Variants in ZNF646 observed in about 807,000 individuals in gnomAD.
ZNF646 encodes zinc finger protein 646.
A neutral mutation model predicts 115.4 loss-of-function variants in ZNF646; 49 were observed. The observed-to-expected ratio is 0.42, with a 90% CI of 0.34 to 0.54. The LOEUF is 0.54. Ranked by LOEUF, ZNF646 falls within the 20% of genes least tolerant of loss-of-function variation. The probability of loss-of-function intolerance (pLI) is 0.04; values close to 1 mark genes in which losing one functional copy is unlikely to be tolerated. For synonymous variants in ZNF646, 933 were observed against 939.0 expected, an observed-to-expected ratio of 0.99 and a Z score of 0.12; for missense variants, 2,269 against 2,457.9, an observed-to-expected ratio of 0.92 and a Z score of 1.62.
chr16:31,074,675 A>T (rs1567404339), intron 1 of ZNF646, 44 bp downstream of exon 1: 1 of 152,350 alleles, frequency 6.6e-6, no homozygotes, highest in East Asian at 1.9e-4. Context: ...CGCGGTCCCC[A>T]ACTGACGCGC....
Position 31,077,251 on chromosome 16 carries a change from G to C in ZNF646, c.927G>C (p.Leu309=). 1 of 1,614,120 alleles carries C rather than the reference G, an allele frequency of 6.2e-7. No homozygotes were observed. Among genetic ancestry groups the C allele is most frequent in the Non-Finnish European group, 8.5e-7 (1 of 1,180,026 alleles). ...CPRVFRLPRE[L]LEHQQSHEGE... ...GTGTCTTCCGGCTCCCCCGGGAGCT[G>C]CTGGAACACCAGCAGTCCCATGAGG... Residue 309 remains leucine, a synonymous_variant, in exon 2 of 3, where the codon CTG becomes CTC. Transcript: ENST00000300850.
chr16:31,076,974 C>T lies in ZNF646; in HGVS notation c.650C>T (p.Ser217Leu). Residue 217 changes from serine (S) to leucine (L), a missense_variant, in exon 2 of 3, where the codon TCA becomes TTA. Transcript: ENST00000300850. ...LSNLEQYLAE[S>L]VVNFTGGQEP... The stretch of plus-strand genomic sequence containing the variant: ...AACTTGGAACAGTATCTGGCTGAAT[C>T]AGTAGTGAACTTCACAGGGGGCCAG... 6.2e-7 allele frequency: 1 copy of T among 1,614,112 alleles called. No homozygotes were observed. The highest frequency in any genetic ancestry group is 8.5e-7 in the Non-Finnish European group (1 of 1,179,972).
upstream of ZNF646, chr16:31,073,175 G>A (rs1220733666): frequency 6.6e-6 from 1 of 152,392 alleles, no homozygotes; most frequent in Non-Finnish European, 1.5e-5. Context: ...CGTGGCTTCG[G>A]AGGACGTGGC....
At chr16:31,072,709 C>G (rs2057024531), upstream of ZNF646, 1 of 152,296 alleles carries the variant, frequency 6.6e-6, no homozygotes, top group Admixed American at 6.5e-5. Flanking sequence ...GGCCTCCTAC[C>G]GGGCCAGTTC....
In ZNF646 at chr16:31,077,812, C is replaced by G. The variant is rs761879712; in HGVS notation, c.1488C>G (p.Leu496=). 1.2e-6 allele frequency: 2 copies of G among 1,613,950 alleles called. No homozygotes were observed. Among genetic ancestry groups the G allele is most frequent in the South Asian group, 2.2e-5 (2 of 91,086 alleles). ...SHRTGEYQCS[L]CPRKYPNLMA... ...GGACTGGAGAGTACCAGTGCTCACT[C>G]TGTCCCCGCAAGTACCCCAATCTCA... Residue 496 remains leucine (L), a synonymous_variant, in exon 2 of 3, where the codon CTC becomes CTG. Transcript: ENST00000300850.
chr16:31,081,032 G>T lies in ZNF646; in HGVS notation c.4708G>T (p.Val1570Leu). Residue 1570 changes from valine to leucine, a missense_variant, in exon 2 of 3, where the codon GTG becomes TTG. Around this residue, in one of 5 missense-constraint regions of ZNF646, gnomAD observed 1,062 missense variants for 1,172.8 expected, o/e 0.91. Transcript: ENST00000300850. ...LLCSKEFLNP[V>L]ATKSHSHNHI... ...CTGCTCCAAGGAGTTCTTAAATCCT[G>T]TGGCCACAAAGAGCCACAGCCACAA... The T allele has an allele frequency of 2.5e-6, 4 of 1,613,940 alleles. No homozygotes were observed. The highest frequency in any genetic ancestry group is 1.3e-5 in the African/African-American group (1 of 75,040).
rs758265518 is a variant in ZNF646 at position 31,076,764 on chromosome 16, C to A, written c.440C>A (p.Thr147Lys). Residue 147 changes from threonine (T) to lysine (K), a missense_variant, in exon 2 of 3, where the codon ACA becomes AAA. Around this residue, in one of 5 missense-constraint regions of ZNF646, gnomAD observed 334 missense variants for 323.5 expected, o/e 1.03. Coordinates refer to ENST00000300850, the MANE Select transcript of ZNF646 (RefSeq NM_014699.4). ...AACCAGACAAAACATACAGAAGAGA[C>A]ACCTGACTGTGAATCTGTACCTGAC... ...WENQTKHTEE[T>K]PDCESVPDPR... The A allele has an allele frequency of 1.9e-6, 3 of 1,613,772 alleles. No individual in the cohort carries two copies. The highest frequency in any genetic ancestry group is 1.1e-5 in the South Asian group (1 of 91,088).
rs1450010949 is a variant in ZNF646, at chr16:31,077,855, G to T, written c.1531G>T (p.Val511Leu). The T allele has an allele frequency of 6.2e-7, 1 of 1,613,630 alleles. No homozygotes were observed. Among genetic ancestry groups the T allele is most frequent in the Non-Finnish European group, 8.5e-7 (1 of 1,180,028 alleles). The change falls in exon 2 of 3, where the codon GTG becomes TTG. Residue 511 changes from valine to leucine, a missense_variant. Physicochemically the swap from Val to Leu is conservative, Grantham distance 32. Coordinates refer to ENST00000300850, the MANE Select transcript of ZNF646 (RefSeq NM_014699.4). Reference sequence around the variant, plus strand: ...CAATCTCATGGCCCTGCGCAACCACGTGCGGGTACATTGCAAGGCTGCTCG... The same window carrying T: ...CAATCTCATGGCCCTGCGCAACCACTTGCGGGTACATTGCAAGGCTGCTCG... ...YPNLMALRNHVRVHCKAARRS... is the reference protein window; with the variant it reads ...YPNLMALRNHLRVHCKAARRS...
Position 31,076,958 on chromosome 16 carries a change from C to A in ZNF646, c.634C>A (p.Gln212Lys), listed in dbSNP as rs148615283. The A allele has an allele frequency of 8.7e-6, 14 of 1,614,004 alleles. No individual in the cohort carries two copies. Among genetic ancestry groups the A allele is most frequent in the African/African-American group, 2.7e-5 (2 of 74,930 alleles). Reference sequence around the variant, plus strand: ...CAGCAGCCTTCTTAGCAACTTGGAACAGTATCTGGCTGAATCAGTAGTGAA... The same window carrying A: ...CAGCAGCCTTCTTAGCAACTTGGAAAAGTATCTGGCTGAATCAGTAGTGAA... Reference protein sequence around the residue: ...PASSLLSNLEQYLAESVVNFT... With the variant: ...PASSLLSNLEKYLAESVVNFT... Residue 212 changes from glutamine to lysine, a missense_variant, in exon 2 of 3, where the codon CAG (glutamine) becomes AAG (lysine). By Grantham distance (53) the Gln-to-Lys change is moderately conservative (BLOSUM62 1). Around this residue, in one of 5 missense-constraint regions of ZNF646, gnomAD observed 334 missense variants for 323.5 expected, o/e 1.03. Transcript: ENST00000300850.
At position 31,078,318 on chromosome 16, in the gene ZNF646, G is replaced by A. The variant is rs151333748; in HGVS notation, c.1994G>A (p.Arg665Gln). ...GCTGCCATGAAGAACCACTTGCGCC[G>A]GCACAGTCGGCGGCGGAGCAGGCGG... ...TMAAMKNHLRRHSRRRSRRHR... is the reference protein window; with the variant it reads ...TMAAMKNHLRQHSRRRSRRHR... The change falls in exon 2 of 3, where the codon CGG becomes CAG. Residue 665 changes from arginine (R) to glutamine (Q), a missense_variant. Arg to Gln is a conservative substitution (Grantham distance 43). Transcript: ENST00000300850. 2.4e-5 allele frequency: 38 copies of A among 1,613,494 alleles called. No homozygotes were observed. Among genetic ancestry groups the A allele is most frequent in the African/African-American group, 9.3e-5 (7 of 74,948 alleles).
chr16:31,076,414 C>G lies in ZNF646; in HGVS notation c.90C>G (p.Leu30=), dbSNP rs1276123453. The change falls in exon 2 of 3, where the codon CTC becomes CTG. Residue 30 remains leucine (L), a synonymous_variant. Transcript: ENST00000300850. ...LPELSRHREL[L]HPSPNQDSEE... is the part of the protein sequence containing the mutation. ...AGCTCTCTCGGCACCGAGAACTGCT[C>G]CATCCATCTCCCAACCAGGACAGTG... 1 of 1,614,090 alleles carries G rather than the reference C, an allele frequency of 6.2e-7. No homozygotes were observed. The highest frequency in any genetic ancestry group is 1.1e-5 in the South Asian group (1 of 91,080).
At position 31,079,862 on chromosome 16, in the gene ZNF646, G is replaced by A. The variant is rs200325369; in HGVS notation, c.3538G>A (p.Glu1180Lys). The change falls in exon 2 of 3, where the codon GAG becomes AAG. Residue 1180 changes from glutamate to lysine, a missense_variant. Physicochemically the swap from Glu to Lys is moderately conservative, Grantham distance 56. This residue lies in a region of ZNF646 where 1,062 missense variants were observed against 1,172.8 expected (regional missense o/e 0.91). Coordinates refer to ENST00000300850, the MANE Select transcript of ZNF646 (RefSeq NM_014699.4). The surrounding 1 kb of genome is among the most constrained non-coding windows in gnomAD (Gnocchi z 5.5). ...EVWEETTVKGEEIEPRLETAE... is the reference protein window; with the variant it reads ...EVWEETTVKGKEIEPRLETAE... ...GTGGGAGGAGACCACTGTGAAGGGG[G>A]AGGAGATAGAGCCCAGGCTGGAGAC... 6.2e-7 allele frequency: 1 copy of A among 1,613,110 alleles called. No homozygotes were observed. The highest frequency in any genetic ancestry group is 2.2e-5 in the East Asian group (1 of 44,870).
upstream of ZNF646, chr16:31,072,858 G>C (rs1451857343): frequency 1.3e-5 from 2 of 152,380 alleles, no homozygotes; most frequent in African/African-American, 4.8e-5. Context: ...GCCCTTGCCT[G>C]CCTTCTCCAA....
At position 31,076,294 on chromosome 16, in the gene ZNF646, C is replaced by G. The variant is rs1445171029; in HGVS notation, c.-31C>G. 6.3e-7 allele frequency: 1 copy of G among 1,578,996 alleles called. No individual in the cohort carries two copies. Among genetic ancestry groups the G allele is most frequent in the East Asian group, 2.3e-5 (1 of 44,418 alleles). On this transcript the variant is annotated 5_prime_UTR_variant, in exon 2 of 3. Coordinates refer to ENST00000300850, the MANE Select transcript of ZNF646 (RefSeq NM_014699.4). ...AGGTGCTGCCACGTGTCTGCTCCTTCTGAACCTCCAGGTTTCTGCTACGTT... is the reference window on the plus strand; with the variant it reads ...AGGTGCTGCCACGTGTCTGCTCCTTGTGAACCTCCAGGTTTCTGCTACGTT...
chr16:31,076,911 C>A lies in ZNF646; in HGVS notation c.587C>A (p.Ala196Asp). Reference protein sequence around the residue: ...GWGPSTNSARAPPLPIPASSL... With the variant: ...GWGPSTNSARDPPLPIPASSL... ...GGACCCTCCACTAACTCTGCCAGAG[C>A]CCCTCCTCTCCCCATCCCAGCCAGC... The change falls in exon 2 of 3, where the codon GCC becomes GAC. Residue 196 changes from alanine to aspartate, a missense_variant. Physicochemically the swap from Ala to Asp is moderately radical, Grantham distance 126. Around this residue, in one of 5 missense-constraint regions of ZNF646, gnomAD observed 334 missense variants for 323.5 expected, o/e 1.03. Coordinates refer to ENST00000300850, the MANE Select transcript of ZNF646 (RefSeq NM_014699.4). 1 of 1,614,098 alleles carries A rather than the reference C, an allele frequency of 6.2e-7. No homozygotes were observed. Among genetic ancestry groups the A allele is most frequent in the East Asian group, 2.2e-5 (1 of 44,884 alleles).
rs973075870 is a variant in ZNF646, at chr16:31,076,585, C to T, written c.261C>T (p.Pro87=). Residue 87 remains proline, a synonymous_variant, in exon 2 of 3, where the codon CCC becomes CCT. Transcript: ENST00000300850. ...CTTCGKDFSN[P]MALKSHMRTH... is the part of the protein sequence containing the mutation. Reference sequence around the variant, plus strand: ...CCTGTGGCAAGGACTTCTCCAATCCCATGGCTCTCAAGAGCCATATGAGGA... The same window carrying T: ...CCTGTGGCAAGGACTTCTCCAATCCTATGGCTCTCAAGAGCCATATGAGGA... 42 of 1,612,518 alleles carry T rather than the reference C, an allele frequency of 2.6e-5. No individual in the cohort carries two copies. Among genetic ancestry groups the T allele is most frequent in the Non-Finnish European group, 3.3e-5 (39 of 1,179,256 alleles).
Position 31,080,450 on chromosome 16 carries a change from C to T in ZNF646, c.4126C>T (p.Arg1376Trp), listed in dbSNP as rs139263481. 28 of 1,613,190 alleles carry T rather than the reference C, an allele frequency of 1.7e-5. No individual in the cohort carries two copies. The highest frequency in any genetic ancestry group is 6.7e-5 in the African/African-American group (5 of 74,936). Residue 1376 changes from arginine to tryptophan, a missense_variant, in exon 2 of 3, where the codon CGG becomes TGG. Physicochemically the swap from Arg to Trp is moderately radical, Grantham distance 101 (BLOSUM62 -3). This residue lies in a region of ZNF646 where 1,062 missense variants were observed against 1,172.8 expected (regional missense o/e 0.91). Coordinates refer to ENST00000300850, the MANE Select transcript of ZNF646 (RefSeq NM_014699.4). ...CCTCTGTGGCCGCAGCTTCCCTGGC[C>T]GGGGATCTTTGGAGCGGCACCTGCG... ...CALCGRSFPG[R>W]GSLERHLREH...
chr16:31,078,778 G>T lies in ZNF646; in HGVS notation c.2454G>T (p.Gly818=). The change falls in exon 2 of 3, where the codon GGG becomes GGT. Residue 818 remains glycine, a synonymous_variant. Transcript: ENST00000300850. The part of the protein sequence containing the change: ...SANAVTGWQA[G]AAHTCSDCGH... The stretch of plus-strand genomic sequence containing the variant: ...ATGCTGTCACTGGCTGGCAGGCTGG[G>T]GCCGCTCACACATGCTCTGACTGTG... The T allele has an allele frequency of 6.2e-7, 1 of 1,613,758 alleles. No homozygotes were observed. The highest frequency in any genetic ancestry group is 8.5e-7 in the Non-Finnish European group (1 of 1,179,942).
rs374049928 is a variant in ZNF646 at position 31,076,370 on chromosome 16, C to G, written c.46C>G (p.His16Asp). ...PSLSCSDCQR[H>D]FPSLPELSRH... is the part of the protein sequence containing the mutation. ...ACTCAGCTGCTCCGACTGTCAGCGC[C>G]ACTTTCCCAGCCTCCCAGAGCTCTC... The change falls in exon 2 of 3, where the codon CAC becomes GAC. Residue 16 changes from histidine (H) to aspartate (D), a missense_variant. His to Asp is a moderately conservative substitution (Grantham distance 81, BLOSUM62 -1). Transcript: ENST00000300850. The G allele has an allele frequency of 1.2e-6, 2 of 1,613,858 alleles. No homozygotes were observed. The highest frequency in any genetic ancestry group is 3.3e-5 in the Admixed American group (2 of 59,968).
Sources: allele counts gnomAD v4.1 joint callset, GRCh38; gene constraint gnomAD v4.1.1; regional missense constraint gnomAD v4.1.1; non-coding constraint Gnocchi (gnomAD v3.1); transcripts MANE v1.5; gene names NCBI Gene and HGNC (gene_info 2026-07-23, HGNC 2026-07-21).